Variants in BDNF observed in about 807,000 individuals in gnomAD.
BDNF encodes neurotrophic factor BDNF precursor form.
BDNF carries 1 observed loss-of-function variant against 19.5 expected under a neutral mutation model. The observed-to-expected ratio is 0.05, with a 90% CI of 0.02 to 0.24. The LOEUF (loss-of-function observed/expected upper bound fraction) is 0.24, where lower values mean the gene tolerates loss of function less well. BDNF is among the 10% of genes least tolerant of loss of function. BDNF has a pLI of 1.00. For synonymous variants in BDNF, 100 were observed against 121.6 expected (o/e 0.82, Z 1.17); for missense variants, 195 against 317.6 (o/e 0.61, Z 2.93).
chr11:27,665,917 T>G (rs1185433638), intron 1 of BDNF, among the ~76,000 whole-genome samples: 1 of 151,962 alleles, frequency 6.6e-6, no homozygotes, highest in African/African-American at 2.4e-5. Context: ...TTGAAAAGAG[T>G]AGGGGTCCTC....
chr11:27,657,905 C>T lies in BDNF; in HGVS notation c.660G>A (p.Met220Ile). 1 of 1,614,102 alleles carries T rather than the reference C, an allele frequency of 6.2e-7. No individual in the cohort carries two copies. The highest frequency in any genetic ancestry group is 1.1e-5 in the South Asian group (1 of 91,080). Residue 220 changes from methionine (M) to isoleucine (I), a missense_variant, in exon 2 of 2, where the codon ATG (methionine) becomes ATA (isoleucine). Transcript: ENST00000356660. The surrounding 1 kb of genome is among the most constrained non-coding windows in gnomAD (Gnocchi z 5.0). ...GCCAGCCAATTCTCTTTTTGCTATCCATGGTAAGGGCCCGCACGTACGACT... is the reference window on the plus strand; with the variant it reads ...GCCAGCCAATTCTCTTTTTGCTATCTATGGTAAGGGCCCGCACGTACGACT... ...TTQSYVRALTMDSKKRIGWRF... is the reference protein window; with the variant it reads ...TTQSYVRALTIDSKKRIGWRF...
chr11:27,657,130 G>A lies in BDNF; in HGVS notation c.*691C>T, dbSNP rs1852669098. 2.0e-6 allele frequency: 2 copies of A among 983,366 alleles called. No individual in the cohort carries two copies. The highest frequency in any genetic ancestry group is 1.2e-6 in the Non-Finnish European group (1 of 827,980). The allele number at this position is 983,366 out of a possible 1,614,324, so 60.9% of individuals were successfully genotyped here. A position where few individuals can be genotyped will look rare whatever the true frequency, so the allele number is the denominator to read the frequency against. On this transcript the variant is annotated 3_prime_UTR_variant, in exon 2 of 2. Coordinates refer to ENST00000356660, the MANE Select transcript of BDNF (RefSeq NM_001709.5). The surrounding 1 kb of genome is among the most constrained non-coding windows in gnomAD (Gnocchi z 5.0). ...TTATTCACTTTCTAGTCATCTGATC[G>A]ATATTGCAAACATCTTCACAACATA... is the stretch of plus-strand genomic sequence containing the variant.
intron 1 of BDNF, among the ~76,000 whole-genome samples, chr11:27,717,736 T>G (rs998756183): frequency 2.6e-5 from 4 of 152,202 alleles, no homozygotes. Context: ...AATTGAAATG[T>G]CTTGCCTTCA....
intron 1 of BDNF, among the ~76,000 whole-genome samples, chr11:27,682,698 G>C (rs1856997547): frequency 6.6e-6 from 1 of 152,048 alleles, no homozygotes; most frequent in Non-Finnish European, 1.5e-5. Context: ...CAAGAATGAT[G>C]GTTTCCAGCT....
rs7124442 is a variant in BDNF, at chr11:27,655,494, C to G, written c.*2327G>C. ...AAGGAAGCTGCATAAAGTTGACATACAGCAGATATTCCAAGCATTCCTTAC... is the reference window on the plus strand; with the variant it reads ...AAGGAAGCTGCATAAAGTTGACATAGAGCAGATATTCCAAGCATTCCTTAC... On this transcript the variant is annotated 3_prime_UTR_variant, in exon 2 of 2. Transcript: ENST00000356660. The G allele has an allele frequency of 3.3e-5, 5 of 151,968 alleles. No homozygotes were observed. The highest frequency in any genetic ancestry group is 5.9e-5 in the Non-Finnish European group (4 of 68,008). The allele number at this position is 151,968 out of a possible 1,614,324, so 9.4% of individuals were successfully genotyped here.
At chr11:27,666,171 C>T (rs912632187) in intron 1 of BDNF, among the ~76,000 whole-genome samples, 13 of 152,296 alleles carry the variant, frequency 8.5e-5, no homozygotes, top group Non-Finnish European at 1.9e-4. Flanking sequence ...TGGAGTGGAC[C>T]TCCAGCAAAC....
At chr11:27,674,452 T>G (rs1855826025) in intron 1 of BDNF, 1 of 1,427,606 alleles carries the variant, frequency 7.0e-7, no homozygotes, top group Non-Finnish European at 9.1e-7. Context: ...TCTTCTGAAG[T>G]GTCACGGTTC....
intron 1 of BDNF, chr11:27,720,849 T>A: frequency 2.4e-6 from 2 of 849,070 alleles, no homozygotes; most frequent in Non-Finnish European, 2.8e-6. Context: ...GCCATCCTGT[T>A]AATAGTTGAT....
upstream of BDNF, chr11:27,701,674 T>C: frequency 1.1e-6 from 1 of 946,402 alleles, no homozygotes; most frequent in Non-Finnish European, 1.3e-6. Flanking sequence ...TGACGTGCGC[T>C]GTCATATGAT....
chr11:27,666,330 A>G lies in BDNF; in HGVS notation c.-21-7745T>C, dbSNP rs12363711. ...ATAAGATGGGGAGAAACCAGAGCAGAGAAGCTGAAAATTCTAAAAATCAGA... is the reference window on the plus strand; with the variant it reads ...ATAAGATGGGGAGAAACCAGAGCAGGGAAGCTGAAAATTCTAAAAATCAGA... On this transcript the variant is annotated intron_variant, in intron 1 of 1. Coordinates refer to ENST00000356660, the MANE Select transcript of BDNF (RefSeq NM_001709.5). Among the ~76,000 whole-genome samples the G allele has an allele frequency of 8.7e-3, 1,318 of 152,348 alleles. 10 individuals are homozygous for G. Among genetic ancestry groups the G allele is most frequent in the Non-Finnish European group, 0.014 (932 of 68,032 alleles).
chr11:27,660,215 G>T (rs1329027472), intron 1 of BDNF: 68 of 1,232,974 alleles, frequency 5.5e-5, no homozygotes, highest in Non-Finnish European at 6.7e-5. Context: ...AAAAGCAAAT[G>T]TTCTCCACTT....
intron 1 of BDNF, chr11:27,698,278 A>C (rs1474169838): frequency 6.7e-6 from 1 of 150,130 alleles, no homozygotes; most frequent in Non-Finnish European, 1.5e-5. Context: ...GGCATTTGCA[A>C]AATCAGAAAA....
At position 27,656,659 on chromosome 11, in the gene BDNF, T is replaced by C. The variant is rs1379226815; in HGVS notation, c.*1162A>G. 5.1e-6 allele frequency: 5 copies of C among 985,674 alleles called. No homozygotes were observed. The highest frequency in any genetic ancestry group is 6.0e-6 in the Non-Finnish European group (5 of 829,940). The allele number at this position is 985,674 out of a possible 1,614,324, so 61.1% of individuals were successfully genotyped here. A position where few individuals can be genotyped will look rare whatever the true frequency, so the allele number is the denominator to read the frequency against. On this transcript the variant is annotated 3_prime_UTR_variant, in exon 2 of 2. Transcript: ENST00000356660. ...GGATTCCTGTTCTGATCTAGGTGTT[T>C]CTGGGTTGATACAGGGCTCTACCTT...
chr11:27,719,213 C>A (rs1860649008), intron 1 of BDNF, among the ~76,000 whole-genome samples: 1 of 152,206 alleles, frequency 6.6e-6, no homozygotes, highest in South Asian at 2.1e-4. Context: ...CCAAGCCCCT[C>A]ACCTCCACCC....
rs1209991553 is a variant in BDNF at position 27,719,647 on chromosome 11, A to AT, written c.3+1764_3+1765insA. ...AGGGAGGACAGAAGGGAAAAAAAAA[A>AT]GAAAACCCAGAAAGAAGCATCCAGC... is the stretch of plus-strand genomic sequence containing the variant. On this transcript the variant is annotated intron_variant, in intron 1 of 1. Coordinates refer to the BDNF transcript ENST00000314915. The AT allele has an allele frequency of 1.6e-5, 16 of 984,596 alleles. No homozygotes were observed. In the East Asian group the frequency reaches 1.7e-3, roughly 105 times the overall value. The allele number at this position is 984,596 out of a possible 1,614,324, so 61.0% of individuals were successfully genotyped here. A position where few individuals can be genotyped will look rare whatever the true frequency, so the allele number is the denominator to read the frequency against.
intron 1 of BDNF, among the ~76,000 whole-genome samples, chr11:27,713,416 T>A (rs1176903557): frequency 2.0e-5 from 3 of 152,194 alleles, no homozygotes; most frequent in Non-Finnish European, 4.4e-5. Flanking sequence ...TCCCACATTC[T>A]CTTTCTTTTC....
intron 1 of BDNF, among the ~76,000 whole-genome samples, 152 bp downstream of exon 1, chr11:27,700,012 C>G (rs957512029): frequency 6.6e-6 from 1 of 152,178 alleles, no homozygotes; most frequent in Non-Finnish European, 1.5e-5. Flanking sequence ...GAAAACTCCC[C>G]AAGAGTAACT....
intron 1 of BDNF, among the ~76,000 whole-genome samples, chr11:27,711,761 T>TAAC (rs1162778667): frequency 6.6e-6 from 1 of 152,174 alleles, no homozygotes; most frequent in Admixed American, 6.5e-5. Context: ...ACAAAACAAA[T>TAAC]AACAGCACTG....
chr11:27,720,603 G>T (rs1860711118), intron 1 of BDNF: 1 of 985,482 alleles, frequency 1.0e-6, no homozygotes, highest in South Asian at 4.7e-5. Flanking sequence ...CTTTTTAAGG[G>T]CGACACAGGG....
Sources: allele counts gnomAD v4.1 joint callset (sites outside exome capture counted in the v4.1 genomes callset), GRCh38; gene constraint gnomAD v4.1.1; non-coding constraint Gnocchi (gnomAD v3.1); transcripts MANE v1.5; gene names NCBI Gene and HGNC (gene_info 2026-07-23, HGNC 2026-07-21).